CCSER1: variants seen among roughly 807,000 people sequenced by gnomAD.
CCSER1 encodes the protein coiled-coil serine rich protein 1.
A neutral mutation model predicts 82.0 loss-of-function variants in CCSER1; 41 were observed. The ratio of observed to expected loss-of-function variants is 0.50; its 90% CI spans 0.39 to 0.65. The LOEUF is 0.65. Ranked by LOEUF, CCSER1 falls within the 30% of genes least tolerant of loss-of-function variation. The pLI, the probability that CCSER1 is intolerant of heterozygous loss-of-function variation, is 0.00. For synonymous variants in CCSER1, 414 were observed against 383.9 expected (o/e 1.08, Z -0.92); for missense variants, 1,119 against 1,064.2 (o/e 1.05, Z -0.72).
At chr4:91,396,578 A>G (rs1254428293) in intron 10 of CCSER1, among the ~76,000 whole-genome samples, 1 of 152,062 alleles carries the variant, frequency 6.6e-6, no homozygotes, top group Non-Finnish European at 1.5e-5. Flanking sequence ...TCTCTAAACA[A>G]TAATGATGCG....
chr4:90,197,839 A>G (rs1251044975), intron 1 of CCSER1, among the ~76,000 whole-genome samples: 5 of 152,068 alleles, frequency 3.3e-5, no homozygotes, highest in Non-Finnish European at 7.4e-5. Context: ...AAAAAAAAAA[A>G]TAGAATGACT....
chr4:90,424,505 G>T (rs1221882375), intron 4 of CCSER1, among the ~76,000 whole-genome samples: 1 of 152,032 alleles, frequency 6.6e-6, no homozygotes, highest in Non-Finnish European at 1.5e-5. Flanking sequence ...AAACTTTATT[G>T]TTTTATGCCT....
chr4:90,968,366 C>T (rs1734770654), intron 9 of CCSER1, among the ~76,000 whole-genome samples: 2 of 152,024 alleles, frequency 1.3e-5, no homozygotes, highest in Non-Finnish European at 2.9e-5. Flanking sequence ...AGCATTCATC[C>T]CTTCCTTAGC....
intron 10 of CCSER1, among the ~76,000 whole-genome samples, chr4:91,367,548 C>G (rs1749720251): frequency 6.6e-6 from 1 of 150,996 alleles, no homozygotes; most frequent in South Asian, 2.1e-4. Flanking sequence ...CTGGAATTCT[C>G]TTTTTATGTT....
chr4:90,721,276 G>T (rs186097777), intron 6 of CCSER1, among the ~76,000 whole-genome samples: 1 of 151,802 alleles, frequency 6.6e-6, no homozygotes, highest in Admixed American at 6.6e-5. Flanking sequence ...GAAGCAGTTT[G>T]TCTGTTGGAC....
chr4:91,518,370 G>A (rs1211877203), intron 10 of CCSER1, among the ~76,000 whole-genome samples: 3 of 152,288 alleles, frequency 2.0e-5, no homozygotes, highest in African/African-American at 7.2e-5. Flanking sequence ...GGACCCATGG[G>A]AGACAGATTG....
At chr4:90,158,228 C>T (rs1232822553) in intron 1 of CCSER1, among the ~76,000 whole-genome samples, 1 of 152,138 alleles carries the variant, frequency 6.6e-6, no homozygotes, top group East Asian at 1.9e-4. Flanking sequence ...CTGATCGTTC[C>T]TCTGGAAGTT....
intron 8 of CCSER1, among the ~76,000 whole-genome samples, chr4:90,828,976 C>T (rs1760810562): frequency 6.6e-6 from 1 of 151,736 alleles, no homozygotes; most frequent in Admixed American, 6.6e-5. Context: ...CACTAGATGC[C>T]AAACAAGCAT....
chr4:90,534,151 A>C (rs1774973989), intron 5 of CCSER1, among the ~76,000 whole-genome samples: 1 of 152,136 alleles, frequency 6.6e-6, no homozygotes, highest in Admixed American at 6.5e-5. Flanking sequence ...TGTTTTTGAG[A>C]CACAGTCTCG....
intron 10 of CCSER1, among the ~76,000 whole-genome samples, chr4:91,415,053 G>A (rs7672601): frequency 0.037 from 5,636 of 152,110 alleles, 380 homozygotes; most frequent in African/African-American, 0.13. Flanking sequence ...AGGAAGCAGT[G>A]GACTTGAATA....
chr4:91,604,091 C>T lies in CCSER1; in HGVS notation c.*5034C>T, dbSNP rs2110371243. 1 of 152,208 alleles carries T rather than the reference C, an allele frequency of 6.6e-6. No homozygotes were observed. The highest frequency in any genetic ancestry group is 2.1e-4 in the South Asian group (1 of 4,828). 9.4% of individuals were successfully genotyped at this position (152,208 alleles called of 1,614,324 possible). A position where few individuals can be genotyped will look rare whatever the true frequency, so the allele number is the denominator to read the frequency against. ...CTTCCCTAATCACATACTTCAATAA[C>T]TAGTTAGGTAATTATTGTTTTACTC... On this transcript the variant is annotated 3_prime_UTR_variant, in exon 11 of 11. Coordinates refer to ENST00000509176, the MANE Select transcript of CCSER1 (RefSeq NM_001145065.2).
At chr4:90,693,511 T>C (rs190868200) in intron 6 of CCSER1, 11 of 151,990 alleles carry the variant, frequency 7.2e-5, no homozygotes, top group East Asian at 1.9e-4. Context: ...GAGTATTTCA[T>C]TGAGGTGGTT....
At chr4:91,392,995 A>C (rs1751756582) in intron 10 of CCSER1, among the ~76,000 whole-genome samples, 1 of 152,086 alleles carries the variant, frequency 6.6e-6, no homozygotes, top group Non-Finnish European at 1.5e-5. Flanking sequence ...ACAAGTTCTC[A>C]GATATAGCTG....
intron 5 of CCSER1, among the ~76,000 whole-genome samples, chr4:90,536,009 A>G (rs1004816148): frequency 3.3e-4 from 50 of 150,662 alleles, no homozygotes; most frequent in African/African-American, 1.1e-3. Context: ...GTTGACACTA[A>G]TATTTCTTTT....
chr4:90,705,734 G>T (rs1739207892), intron 6 of CCSER1, among the ~76,000 whole-genome samples: 1 of 152,248 alleles, frequency 6.6e-6, no homozygotes, highest in Non-Finnish European at 1.5e-5. Context: ...TGCTGTGCTA[G>T]CAATGAGCGA....
chr4:90,960,192 G>A (rs776758922), intron 9 of CCSER1, among the ~76,000 whole-genome samples: 1 of 151,762 alleles, frequency 6.6e-6, no homozygotes, highest in Non-Finnish European at 1.5e-5. Flanking sequence ...TTTAAAAAAA[G>A]GATTTTACGT....
chr4:90,964,936 C>A (rs753909682), intron 9 of CCSER1, among the ~76,000 whole-genome samples: 1 of 151,898 alleles, frequency 6.6e-6, no homozygotes, highest in Non-Finnish European at 1.5e-5. Flanking sequence ...CCTTGCTATC[C>A]GGTGACCTTG....
intron 10 of CCSER1, among the ~76,000 whole-genome samples, chr4:91,182,115 A>G (rs972921613): frequency 2.0e-5 from 3 of 152,070 alleles, no homozygotes; most frequent in African/African-American, 7.2e-5. Flanking sequence ...GCTGTGTTCG[A>G]TGGGTGTTGC....
chr4:90,932,843 A>C (rs1200171746), intron 9 of CCSER1, among the ~76,000 whole-genome samples: 1 of 145,730 alleles, frequency 6.9e-6, no homozygotes, highest in Non-Finnish European at 1.5e-5. Flanking sequence ...AAAAAAAAAA[A>C]AAGAAACAAT....
Sources: allele counts gnomAD v4.1 joint callset (sites outside exome capture counted in the v4.1 genomes callset), GRCh38; gene constraint gnomAD v4.1.1; transcripts MANE v1.5; gene names NCBI Gene and HGNC (gene_info 2026-07-23, HGNC 2026-07-21).